The following MDGA2 variants were observed in gnomAD, a reference collection of about 807,000 sequenced individuals.
MDGA2 encodes the protein MAM domain-containing glycosylphosphatidylinositol anchor protein 2.
A neutral mutation model predicts 117.8 loss-of-function variants in MDGA2; 40 were observed. That is an observed-to-expected ratio of 0.34 (90% CI 0.26 to 0.44). The LOEUF is 0.44. Among genes scored for constraint, MDGA2 ranks in the 20% least tolerant of loss-of-function variants. The pLI, the probability that MDGA2 is intolerant of heterozygous loss-of-function variation, is 1.00. For missense variants in MDGA2, 1,123 were observed against 1,250.6 expected (o/e 0.90, Z 1.54); for synonymous variants, 452 against 439.0 (o/e 1.03, Z -0.37).
At chr14:47,663,207 G>C (rs1310190070) in intron 1 of MDGA2, among the ~76,000 whole-genome samples, 1 of 152,138 alleles carries the variant, frequency 6.6e-6, no homozygotes, top group Non-Finnish European at 1.5e-5. Flanking sequence ...AAATTACTTG[G>C]CAGTTGTATC....
At chr14:47,098,917 G>A (rs999251192) in intron 5 of MDGA2, among the ~76,000 whole-genome samples, 12 of 151,850 alleles carry the variant, frequency 7.9e-5, no homozygotes, top group African/African-American at 1.9e-4. Context: ...ATTATTTAAT[G>A]CAAAAAAGCT....
chr14:46,865,940 C>A (rs1352257855), intron 14 of MDGA2, among the ~76,000 whole-genome samples: 3 of 151,346 alleles, frequency 2.0e-5, no homozygotes, highest in East Asian at 1.9e-4. Flanking sequence ...TAGGAAGAAT[C>A]AATATCATGA....
chr14:46,950,568 T>C lies in MDGA2; in HGVS notation c.2089+6806A>G, dbSNP rs377645796. Among the ~76,000 whole-genome samples the C allele has an allele frequency of 3.9e-5, 6 of 152,004 alleles. No individual in the cohort carries two copies. In the South Asian group the frequency reaches 1.2e-3, roughly 31 times the overall value. On this transcript the variant is annotated intron_variant, in intron 9 of 16. Transcript: ENST00000399232. The stretch of plus-strand genomic sequence containing the variant: ...GGATCCACTAGTCCATCTGTTATCA[T>C]CATAAATAAAATTCTAATAAATTTA...
intron 15 of MDGA2, among the ~76,000 whole-genome samples, 176 bp from the exon 16 acceptor site, chr14:46,846,047 T>C (rs1227524368): frequency 6.6e-6 from 1 of 152,154 alleles, no homozygotes; most frequent in African/African-American, 2.4e-5. Context: ...AAACCAGTAA[T>C]TGAATCTTCC....
At chr14:47,050,635 T>C (rs1247495323) in intron 7 of MDGA2, among the ~76,000 whole-genome samples, 1 of 152,050 alleles carries the variant, frequency 6.6e-6, no homozygotes, top group Non-Finnish European at 1.5e-5. Flanking sequence ...TACTCATGTG[T>C]ATCCACTCCA....
rs572896325 is a variant in MDGA2, at chr14:47,283,907, T to A, written c.420+17504A>T. On this transcript the variant is annotated intron_variant, in intron 2 of 16. Coordinates refer to ENST00000399232, the MANE Select transcript of MDGA2 (RefSeq NM_001113498.3). ...AACAAGTCAAGTAAGATCATTTCAA[T>A]CTACAAAGCTGGAAAGTATGCAAAT... Among the ~76,000 whole-genome samples, 15 of 152,204 alleles carry A rather than the reference T, an allele frequency of 9.9e-5. No homozygotes were observed. The East Asian group carries it at 2.9e-3, about 29-fold the overall frequency.
At chr14:46,946,222 T>C (rs1268594201) in intron 9 of MDGA2, among the ~76,000 whole-genome samples, 1 of 152,104 alleles carries the variant, frequency 6.6e-6, no homozygotes, top group African/African-American at 2.4e-5. Flanking sequence ...AGTAGTGCTC[T>C]ATATATGAGG....
chr14:47,128,227 ATG>A (rs1882003024), intron 5 of MDGA2, among the ~76,000 whole-genome samples: 1 of 101,664 alleles, frequency 9.8e-6, no homozygotes, highest in Admixed American at 8.7e-5. Flanking sequence ...TATGTGTCAG[ATG>A]ATAGAAAAAT....
At chr14:47,099,004 A>T (rs553206013) in intron 5 of MDGA2, among the ~76,000 whole-genome samples, 2 of 152,072 alleles carry the variant, frequency 1.3e-5, no homozygotes, top group African/African-American at 4.8e-5. Flanking sequence ...TTTTAGAACT[A>T]CCTTCACAAC....
intron 7 of MDGA2, 149 bp from the exon 8 acceptor site, chr14:47,035,453 C>A: frequency 1.6e-6 from 1 of 631,628 alleles, no homozygotes; most frequent in Non-Finnish European, 2.7e-6. Flanking sequence ...ATGGAATATA[C>A]TCTCACTGAA....
At chr14:47,176,735 G>A (rs1295182516) in intron 3 of MDGA2, among the ~76,000 whole-genome samples, 1 of 152,134 alleles carries the variant, frequency 6.6e-6, no homozygotes, top group Non-Finnish European at 1.5e-5. Flanking sequence ...CAGGACACAG[G>A]CATGGGCAAA....
At chr14:47,013,772 G>GTATGTATATATATATATATATATATATA (rs1555343312) in intron 8 of MDGA2, among the ~76,000 whole-genome samples, 1 of 93,686 alleles carries the variant, frequency 1.1e-5, no homozygotes. Context: ...TAATTTCCTT[G>GTATGTATATATATATATATATATATATA]TATATATATA....
At chr14:47,308,554 A>G (rs1435706768) in intron 1 of MDGA2, among the ~76,000 whole-genome samples, 1 of 139,648 alleles carries the variant, frequency 7.2e-6, no homozygotes, top group Non-Finnish European at 1.5e-5. Context: ...TCAGGACCAC[A>G]TATGAGGGAA....
chr14:47,219,149 C>T (rs1017986084), intron 2 of MDGA2, among the ~76,000 whole-genome samples: 7 of 152,174 alleles, frequency 4.6e-5, no homozygotes, highest in Non-Finnish European at 1.0e-4. Flanking sequence ...TGTTCAAACA[C>T]ATATGCTGTG....
At chr14:47,157,595 A>G (rs947582269) in intron 3 of MDGA2, among the ~76,000 whole-genome samples, 95 of 144,536 alleles carry the variant, frequency 6.6e-4, no homozygotes, top group East Asian at 1.1e-3. Flanking sequence ...ATGTACATAT[A>G]TGTGTGTGTG....
chr14:47,554,775 G>A (rs1011187477), intron 1 of MDGA2, among the ~76,000 whole-genome samples: 1 of 152,114 alleles, frequency 6.6e-6, no homozygotes, highest in Non-Finnish European at 1.5e-5. Flanking sequence ...TTAGAATACA[G>A]AGTCTTTACA....
intron 10 of MDGA2, among the ~76,000 whole-genome samples, chr14:46,901,656 A>T (rs1358192240): frequency 6.6e-6 from 1 of 152,242 alleles, no homozygotes; most frequent in Non-Finnish European, 1.5e-5. Flanking sequence ...GCTTTTATGC[A>T]ATTGTAAAAG....
At chr14:46,877,200 AT>A (rs1882266466) in intron 12 of MDGA2, among the ~76,000 whole-genome samples, 1 of 151,696 alleles carries the variant, frequency 6.6e-6, no homozygotes, top group Non-Finnish European at 1.5e-5. Context: ...AAAGAAAAAA[AT>A]AATCCCACAG....
intron 9 of MDGA2, among the ~76,000 whole-genome samples, chr14:46,933,381 T>G (rs1884652841): frequency 6.6e-6 from 1 of 151,984 alleles, no homozygotes; most frequent in South Asian, 2.1e-4. Context: ...GACAAGTACT[T>G]TATGAATTGG....
Sources: allele counts gnomAD v4.1 joint callset (sites outside exome capture counted in the v4.1 genomes callset), GRCh38; gene constraint gnomAD v4.1.1; transcripts MANE v1.5; gene names NCBI Gene and HGNC (gene_info 2026-07-23, HGNC 2026-07-21).